ALMS1: variants seen among roughly 807,000 people sequenced by gnomAD.
ALMS1 encodes ALMS1 centrosome and basal body associated protein.
A neutral mutation model predicts 352.2 loss-of-function variants in ALMS1; 271 were observed. That is an observed-to-expected ratio of 0.77 (90% CI 0.70 to 0.85). ALMS1 has a LOEUF of 0.85. ALMS1 is among the 40% of genes least tolerant of loss of function. The probability of loss-of-function intolerance (pLI) is 0.00; values close to 1 mark genes in which losing one functional copy is unlikely to be tolerated. For missense variants in ALMS1, 5,445 were observed against 4,870.7 expected (o/e 1.12, Z -3.51); for synonymous variants, 1,865 against 1,761.2 (o/e 1.06, Z -1.48).
At chr2:73,481,668 C>T (rs1228440422) in intron 9 of ALMS1, among the ~76,000 whole-genome samples, 13 of 148,250 alleles carry the variant, frequency 8.8e-5, no homozygotes, top group African/African-American at 3.0e-4. Context: ...TACCTTGGGC[C>T]GTATGGCCAT....
At chr2:73,604,249 A>C (rs1401056417) in intron 21 of ALMS1, among the ~76,000 whole-genome samples, 1 of 152,116 alleles carries the variant, frequency 6.6e-6, no homozygotes, top group African/African-American at 2.4e-5. Context: ...AATTCATTTG[A>C]GTGTTGAATG....
chr2:73,521,920 TG>T (rs1383611155), intron 11 of ALMS1, among the ~76,000 whole-genome samples: 8 of 152,266 alleles, frequency 5.3e-5, no homozygotes, highest in South Asian at 2.1e-4. Context: ...TTTTATGAGG[TG>T]TTTTTTTTTG....
intron 7 of ALMS1, among the ~76,000 whole-genome samples, chr2:73,433,226 T>G (rs1052469027): frequency 3.4e-4 from 52 of 152,204 alleles, no homozygotes; most frequent in Non-Finnish European, 5.7e-4. Flanking sequence ...AATCTCTGAT[T>G]TGTTTTTCCT....
Position 73,489,858 on chromosome 2 carries a change from A to G in ALMS1, c.7899A>G (p.Leu2633=). ...RAKHVNLSAS[L]DQNNSHFKVW... is the part of the protein sequence containing the mutation. ...AGCATGTCAACCTTTCTGCATCCTT[A>G]GACCAGAACAACTCCCATTTCAAAG... is the stretch of plus-strand genomic sequence containing the variant. Residue 2633 remains leucine (L), a synonymous_variant, in exon 10 of 23, where the codon TTA becomes TTG. Coordinates refer to ENST00000613296, the MANE Select transcript of ALMS1 (RefSeq NM_001378454.1). 6.2e-7 allele frequency: 1 copy of G among 1,614,214 alleles called. No homozygotes were observed. Among genetic ancestry groups the G allele is most frequent in the Non-Finnish European group, 8.5e-7 (1 of 1,180,026 alleles).
At chr2:73,560,348 AT>A (rs939020519) in intron 15 of ALMS1, among the ~76,000 whole-genome samples, 11 of 152,322 alleles carry the variant, frequency 7.2e-5, no homozygotes, top group African/African-American at 2.4e-4. Flanking sequence ...ACAATGAGAT[AT>A]CACTCACACC....
intron 21 of ALMS1, 150 bp downstream of exon 21, chr2:73,603,454 G>GAA (rs59142434): frequency 2.3e-3 from 1,316 of 565,740 alleles, no homozygotes; most frequent in African/African-American, 3.3e-3. Context: ...TTATGGCACT[G>GAA]AAAAAAAAAA....
In ALMS1 at chr2:73,520,020, A is replaced by G. The variant is rs769355473; in HGVS notation, c.9781+4A>G. Reference sequence around the variant, plus strand: ...ACTTTTTCTCGCGGCACAGATGGTAAGAGAATGTGATTGCATTTTAGATTG... The same window carrying G: ...ACTTTTTCTCGCGGCACAGATGGTAGGAGAATGTGATTGCATTTTAGATTG... On this transcript the variant is annotated splice_donor_region_variant and intron_variant, in intron 11 of 22. Transcript: ENST00000613296. 2 of 1,614,116 alleles carry G rather than the reference A, an allele frequency of 1.2e-6. No individual in the cohort carries two copies. Among genetic ancestry groups the G allele is most frequent in the South Asian group, 2.2e-5 (2 of 91,084 alleles).
intron 7 of ALMS1, among the ~76,000 whole-genome samples, chr2:73,442,500 A>G (rs916507544): frequency 2.6e-5 from 4 of 152,178 alleles, no homozygotes; most frequent in African/African-American, 4.8e-5. Flanking sequence ...TACCATAAAC[A>G]TATCACACCA....
At chr2:73,573,775 CCT>C (rs568425407) in intron 16 of ALMS1, among the ~76,000 whole-genome samples, 1 of 150,960 alleles carries the variant, frequency 6.6e-6, no homozygotes, top group African/African-American at 2.4e-5. Flanking sequence ...TTAATTCATT[CCT>C]CTCTGTCTTT....
chr2:73,462,972 C>T (rs568584259), intron 9 of ALMS1, among the ~76,000 whole-genome samples: 1 of 152,070 alleles, frequency 6.6e-6, no homozygotes, highest in African/African-American at 2.4e-5. Flanking sequence ...CCTTAGTGAC[C>T]TACAAAGAGA....
intron 10 of ALMS1, among the ~76,000 whole-genome samples, chr2:73,512,714 G>T (rs1345841969): frequency 1.3e-5 from 2 of 151,938 alleles, no homozygotes; most frequent in African/African-American, 4.8e-5. Flanking sequence ...TACAGATTTG[G>T]TGGCCGGTGG....
chr2:73,468,548 G>T (rs1479845823), intron 9 of ALMS1, among the ~76,000 whole-genome samples: 1 of 151,880 alleles, frequency 6.6e-6, no homozygotes, highest in East Asian at 1.9e-4. Flanking sequence ...TTCTCATTCT[G>T]TCTTCCCATC....
At chr2:73,546,015 C>G (rs544061571) in intron 12 of ALMS1, among the ~76,000 whole-genome samples, 2 of 152,300 alleles carry the variant, frequency 1.3e-5, no homozygotes, top group East Asian at 3.9e-4. Context: ...TGCTCAGATT[C>G]AGGTGCAGTG....
intron 13 of ALMS1, among the ~76,000 whole-genome samples, chr2:73,555,486 A>G (rs1674523386): frequency 6.6e-6 from 1 of 152,216 alleles, no homozygotes; most frequent in Non-Finnish European, 1.5e-5. Flanking sequence ...TATTAAAAGT[A>G]AATGGGATAA....
chr2:73,590,318 A>T (rs796414602), intron 16 of ALMS1, among the ~76,000 whole-genome samples: 2 of 152,266 alleles, frequency 1.3e-5, no homozygotes, highest in African/African-American at 4.8e-5. Flanking sequence ...ATCTGGTAAA[A>T]CTTCATTGTC....
intron 9 of ALMS1, among the ~76,000 whole-genome samples, chr2:73,461,509 A>C (rs1558654910): frequency 6.6e-6 from 1 of 152,212 alleles, no homozygotes; most frequent in South Asian, 2.1e-4. Context: ...ATGCAGAAAA[A>C]ACAGAGCAGA....
At chr2:73,607,604 A>G (rs564804883) in intron 21 of ALMS1, among the ~76,000 whole-genome samples, 62 of 151,620 alleles carry the variant, frequency 4.1e-4, no homozygotes, top group African/African-American at 1.5e-3. Context: ...CCTTCTCCCC[A>G]TTCCCTTTCT....
intron 20 of ALMS1, among the ~76,000 whole-genome samples, chr2:73,602,866 A>C (rs1253080756): frequency 6.6e-6 from 1 of 152,238 alleles, no homozygotes; most frequent in Non-Finnish European, 1.5e-5. Context: ...TAGTAAGTAA[A>C]AGCTAAGATT....
chr2:73,478,863 C>CGCGG (rs1205112395), intron 9 of ALMS1, among the ~76,000 whole-genome samples: 1 of 151,970 alleles, frequency 6.6e-6, no homozygotes, highest in Non-Finnish European at 1.5e-5. Flanking sequence ...CGACAGGCCC[C>CGCGG]GGTGTGTGAT....
Sources: allele counts gnomAD v4.1 joint callset (sites outside exome capture counted in the v4.1 genomes callset), GRCh38; gene constraint gnomAD v4.1.1; transcripts MANE v1.5; gene names NCBI Gene and HGNC (gene_info 2026-07-23, HGNC 2026-07-21).